Variants in MAPK9 observed in about 807,000 individuals in gnomAD.
MAPK9 encodes the protein mitogen-activated protein kinase 9.
A neutral mutation model predicts 57.1 loss-of-function variants in MAPK9; 30 were observed. The ratio of observed to expected loss-of-function variants is 0.53; its 90% CI spans 0.39 to 0.71. The LOEUF is 0.71. Ranked by LOEUF, MAPK9 falls within the 30% of genes least tolerant of loss-of-function variation. MAPK9 has a pLI of 0.00. For synonymous variants in MAPK9, 155 were observed against 177.0 expected, an observed-to-expected ratio of 0.88 and a Z score of 0.99; for missense variants, 362 against 521.0, an observed-to-expected ratio of 0.69 and a Z score of 2.97.
chr5:180,250,534 C>A (rs1758564563), intron 5 of MAPK9, among the ~76,000 whole-genome samples: 1 of 152,114 alleles, frequency 6.6e-6, no homozygotes, highest in South Asian at 2.1e-4. Context: ...CTAGCACCTG[C>A]CTGTAAGACA....
At chr5:180,249,632 T>C (rs1758469677) in intron 5 of MAPK9, among the ~76,000 whole-genome samples, 1 of 152,232 alleles carries the variant, frequency 6.6e-6, no homozygotes, top group Non-Finnish European at 1.5e-5. Context: ...TCCAGGGCAG[T>C]GCTGTCCCAC....
At chr5:180,281,103 T>G (rs1252723401) in intron 1 of MAPK9, among the ~76,000 whole-genome samples, 1 of 152,184 alleles carries the variant, frequency 6.6e-6, no homozygotes, top group African/African-American at 2.4e-5. Context: ...AAAAGCAAGA[T>G]TCATACGCCA....
chr5:180,274,595 C>A lies in MAPK9; in HGVS notation c.123-5186G>T, dbSNP rs531043707. Among the ~76,000 whole-genome samples, 4 of 152,318 alleles carry A rather than the reference C, an allele frequency of 2.6e-5. No individual in the cohort carries two copies. In the South Asian group the frequency reaches 6.2e-4, roughly 24 times the overall value. ...TAAAGCTGTAAGGAACTAGACTCTG[C>A]CAACAGGCTGAAGGAGCTTGGAAGC... On this transcript the variant is annotated intron_variant, in intron 2 of 11. Transcript: ENST00000452135.
chr5:180,236,610 G>C, intron 11 of MAPK9, 84 bp from the exon 12 acceptor site: 1 of 1,479,470 alleles, frequency 6.8e-7, no homozygotes, highest in Non-Finnish European at 9.2e-7. Flanking sequence ...GCCATTTCTC[G>C]GCTCTGTCCT....
intron 5 of MAPK9, among the ~76,000 whole-genome samples, chr5:180,253,292 T>C (rs1019687220): frequency 6.6e-6 from 1 of 152,090 alleles, no homozygotes; most frequent in African/African-American, 2.4e-5. Context: ...CGCACAGGCC[T>C]CCTCCCGGCC....
rs538886940 is a variant in MAPK9 at position 180,233,690 on chromosome 5, G to A, written c.*2694C>T. On this transcript the variant is annotated 3_prime_UTR_variant, in exon 12 of 12. Coordinates refer to ENST00000452135, the MANE Select transcript of MAPK9 (RefSeq NM_002752.5). ...ATTAGCAATGTTACTTTTGAGATAT[G>A]CAATCTGAAAGGTCACACTTGTATT... 2.0e-5 allele frequency: 3 copies of A among 152,314 alleles called. No homozygotes were observed. The highest frequency in any genetic ancestry group is 7.2e-5 in the African/African-American group (3 of 41,558). 9.4% of individuals were successfully genotyped at this position (152,314 alleles called of 1,614,324 possible). A position where few individuals can be genotyped will look rare whatever the true frequency, so the allele number is the denominator to read the frequency against.
chr5:180,252,514 C>T (rs1030286597), intron 5 of MAPK9, among the ~76,000 whole-genome samples: 2 of 152,186 alleles, frequency 1.3e-5, no homozygotes, highest in Non-Finnish European at 1.5e-5. Context: ...CTCCACCCAC[C>T]CCGGGCCCTG....
At chr5:180,270,415 T>C (rs1230500795) in intron 2 of MAPK9, among the ~76,000 whole-genome samples, 1 of 152,242 alleles carries the variant, frequency 6.6e-6, no homozygotes, top group Non-Finnish European at 1.5e-5. Flanking sequence ...TCTATATACA[T>C]ATGTAAATCC....
intron 2 of MAPK9, among the ~76,000 whole-genome samples, chr5:180,277,330 G>T (rs923775431): frequency 6.6e-6 from 1 of 152,182 alleles, no homozygotes; most frequent in Non-Finnish European, 1.5e-5. Context: ...GCTCTGGGGG[G>T]AGTCTGCTCC....
intron 1 of MAPK9, among the ~76,000 whole-genome samples, chr5:180,291,417 A>G (rs1431794193): frequency 6.6e-6 from 1 of 152,226 alleles, no homozygotes; most frequent in Non-Finnish European, 1.5e-5. Context: ...AGGCGTCTGC[A>G]TACATTCACA....
intron 5 of MAPK9, among the ~76,000 whole-genome samples, chr5:180,250,113 G>A (rs993295701): frequency 1.3e-5 from 2 of 152,132 alleles, no homozygotes; most frequent in African/African-American, 2.4e-5. Context: ...CTCATGTTCT[G>A]GTTGCCACCT....
At position 180,247,034 on chromosome 5, in the gene MAPK9, C is replaced by A; in HGVS notation, c.688+405G>T. The A allele has an allele frequency of 5.3e-6, 1 of 188,730 alleles. No homozygotes were observed. Among genetic ancestry groups the A allele is most frequent in the South Asian group, 1.2e-4 (1 of 8,186 alleles). 11.7% of individuals were successfully genotyped at this position (188,730 alleles called of 1,614,324 possible). A position where few individuals can be genotyped will look rare whatever the true frequency, so the allele number is the denominator to read the frequency against. ...CAAAATAGTACTTAATTAAAGCACA[C>A]AAGCACACTAGCCTATTAAATTTAG... On this transcript the variant is annotated intron_variant, in intron 7 of 11. Transcript: ENST00000452135. The surrounding 1 kb of genome is among the most constrained non-coding windows in gnomAD (Gnocchi z 4.5).
At chr5:180,258,869 A>G (rs921004439) in intron 5 of MAPK9, among the ~76,000 whole-genome samples, 24 of 150,776 alleles carry the variant, frequency 1.6e-4, no homozygotes, top group Non-Finnish European at 3.0e-5. Flanking sequence ...TACTAAAAAA[A>G]AAAAAAAAAA....
intron 5 of MAPK9, among the ~76,000 whole-genome samples, chr5:180,255,962 C>T (rs1057362723): frequency 6.6e-6 from 1 of 152,116 alleles, no homozygotes; most frequent in Non-Finnish European, 1.5e-5. Context: ...TTTAAAAAAA[C>T]AAACCAAGCT....
intron 8 of MAPK9, among the ~76,000 whole-genome samples, chr5:180,241,726 G>C (rs1031352336): frequency 6.6e-6 from 1 of 152,272 alleles, no homozygotes; most frequent in African/African-American, 2.4e-5. Flanking sequence ...TGGTGGGGAA[G>C]AGCACCAGGC....
chr5:180,244,001 T>G (rs559848850), intron 7 of MAPK9, among the ~76,000 whole-genome samples: 1 of 152,072 alleles, frequency 6.6e-6, no homozygotes. Flanking sequence ...GCACCTGCCA[T>G]AACGGTCGGC....
intron 5 of MAPK9, among the ~76,000 whole-genome samples, chr5:180,259,536 C>T (rs931690477): frequency 1.6e-4 from 25 of 151,976 alleles, no homozygotes; most frequent in African/African-American, 6.0e-4. Context: ...TGGAGAGAAA[C>T]CCTTTGACTG....
chr5:180,252,659 G>A (rs960971115), intron 5 of MAPK9, among the ~76,000 whole-genome samples: 4 of 152,166 alleles, frequency 2.6e-5, no homozygotes, highest in African/African-American at 7.2e-5. Flanking sequence ...AAGCGCCTCC[G>A]CTCCGGCTAC....
chr5:180,291,597 C>T (rs1763242730), intron 1 of MAPK9, among the ~76,000 whole-genome samples: 1 of 152,030 alleles, frequency 6.6e-6, no homozygotes, highest in Non-Finnish European at 1.5e-5. Context: ...GGAGGGATGG[C>T]GCCCGCAGAC....
Sources: gnomAD v4.1 joint callset for allele counts (sites outside exome capture counted in the v4.1 genomes callset) on GRCh38, gnomAD v4.1.1 for gene constraint, Gnocchi (gnomAD v3.1) non-coding constraint, MANE v1.5 for transcripts, NCBI Gene and HGNC (gene_info 2026-07-23, HGNC 2026-07-21) for gene names.